The following MYO1G variants were observed in gnomAD, a reference collection of about 807,000 sequenced individuals.
MYO1G encodes the protein unconventional myosin-Ig.
Under a neutral mutation model 115.3 loss-of-function variants are expected in MYO1G, and 65 were observed. The observed-to-expected ratio is 0.56, with a 90% CI of 0.46 to 0.69. The LOEUF is 0.69. Among genes scored for constraint, MYO1G ranks in the 30% least tolerant of loss-of-function variants. The pLI is 0.00. For synonymous variants in MYO1G, 510 were observed against 552.6 expected (o/e 0.92, Z 1.08); for missense variants, 1,204 against 1,393.5 (o/e 0.86, Z 2.16).
In MYO1G at chr7:44,972,101, C is replaced by T. The variant is rs1217896645; in HGVS notation, c.729+14G>A. On this transcript the variant is annotated intron_variant, in intron 6 of 21. Transcript: ENST00000258787. ...CTGAGCCCAGTTTGAGCCCTTGGTG[C>T]CCCTCACACTCACACTGTGCACAGT... 10 of 1,598,634 alleles carry T rather than the reference C, an allele frequency of 6.3e-6. No homozygotes were observed. Among genetic ancestry groups the T allele is most frequent in the Non-Finnish European group, 8.6e-6 (10 of 1,166,088 alleles).
At chr7:44,972,299 A>T (rs1794973926) in intron 5 of MYO1G, 74 bp from the exon 6 acceptor site, 9 of 1,102,846 alleles carry the variant, frequency 8.2e-6, no homozygotes, top group African/African-American at 1.5e-5. Context: ...AGGCAGGAGA[A>T]CAAACAGACT....
intron 1 of MYO1G, among the ~76,000 whole-genome samples, chr7:44,978,411 C>A (rs1163862262): frequency 6.6e-6 from 1 of 152,146 alleles, no homozygotes; most frequent in African/African-American, 2.4e-5. Context: ...TCTCAGTGTC[C>A]CCAGGGCTCA....
chr7:44,964,953 G>A lies in MYO1G; in HGVS notation c.2518C>T (p.Leu840=), dbSNP rs906170459. Residue 840 remains leucine, a synonymous_variant, in exon 18 of 22, where the codon CTG becomes TTG. Transcript: ENST00000258787. This position sits in a 1 kb window ranked among gnomAD's most constrained non-coding sequence, Gnocchi z 5.1. Reference sequence around the variant, plus strand: ...ACTCGCCTGGCACTTACAGAGGACAGGTAGTCTCGGGCCCAGGCCCGTCGG... The same window carrying A: ...ACTCGCCTGGCACTTACAGAGGACAAGTAGTCTCGGGCCCAGGCCCGTCGG... ...GCRRAWARDY[L]SSATDNPTAS... is the part of the protein sequence containing the mutation. 3.8e-6 allele frequency: 6 copies of A among 1,599,072 alleles called. No homozygotes were observed. The highest frequency in any genetic ancestry group is 1.3e-5 in the African/African-American group (1 of 74,632).
At chr7:44,975,117 T>G (rs967036393) in intron 5 of MYO1G, 57 bp downstream of exon 5, 105 of 1,568,746 alleles carry the variant, frequency 6.7e-5, no homozygotes, top group Non-Finnish European at 8.3e-5. Context: ...TGGTCCAGCT[T>G]GCTGCCCTCC....
rs114491800 is a variant in MYO1G, at chr7:44,978,765, C to T, written c.95+102G>A. 2,613 of 1,164,162 alleles carry T rather than the reference C, an allele frequency of 2.2e-3. 46 individuals are homozygous for T. The African/African-American group carries it at 0.034, about 15-fold the overall frequency. The allele number at this position is 1,164,162 out of a possible 1,614,324, so 72.1% of individuals were successfully genotyped here. A position where few individuals can be genotyped will look rare whatever the true frequency, so the allele number is the denominator to read the frequency against. ...GTGGGTGTGTGCCACTGCCCCCTCCCTTGGACAGCAGCGTGCCTTCCTCTT... is the reference window on the plus strand; with the variant it reads ...GTGGGTGTGTGCCACTGCCCCCTCCTTTGGACAGCAGCGTGCCTTCCTCTT... On this transcript the variant is annotated intron_variant, in intron 1 of 21. Transcript: ENST00000258787.
chr7:44,965,579 G>A, intron 17 of MYO1G, 58 bp downstream of exon 17: 1 of 1,526,640 alleles, frequency 6.6e-7, no homozygotes. Flanking sequence ...GGGATGATGG[G>A]TTAAGGTATT....
intron 5 of MYO1G, chr7:44,973,967 T>C (rs1162316688): frequency 6.6e-6 from 1 of 151,644 alleles, no homozygotes; most frequent in African/African-American, 2.4e-5. Flanking sequence ...GTGGAGACAC[T>C]GCCAGTGTCT....
In MYO1G at chr7:44,963,176, T is replaced by TAGCCGGACTCACCCCCTCCCC; in HGVS notation, c.2746-73_2746-53dup. 7.2e-7 allele frequency: 1 copy of TAGCCGGACTCACCCCCTCCCC among 1,383,684 alleles called. No individual in the cohort carries two copies. Among genetic ancestry groups the TAGCCGGACTCACCCCCTCCCC allele is most frequent in the Non-Finnish European group, 9.3e-7 (1 of 1,073,978 alleles). The allele number at this position is 1,383,684 out of a possible 1,614,324, so 85.7% of individuals were successfully genotyped here. A position where few individuals can be genotyped will look rare whatever the true frequency, so the allele number is the denominator to read the frequency against. On this transcript the variant is annotated intron_variant, in intron 20 of 21. Coordinates refer to ENST00000258787, the MANE Select transcript of MYO1G (RefSeq NM_033054.3). The surrounding 1 kb of genome is among the most constrained non-coding windows in gnomAD (Gnocchi z 4.1). ...AGCCGCCTCAACCCGCACCCCAGCC[T>TAGCCGGACTCACCCCCTCCCC]AGCCGGACTCACCCCCTCCCCAGGA...
In MYO1G at chr7:44,969,985, G is replaced by A. The variant is rs184032735; in HGVS notation, c.1332+55C>T. 1.8e-4 allele frequency: 280 copies of A among 1,599,436 alleles called. 2 individuals are homozygous for A. In the African/African-American group the frequency reaches 3.3e-3, roughly 19 times the overall value. On this transcript the variant is annotated intron_variant, in intron 10 of 21. Transcript: ENST00000258787. The surrounding 1 kb of genome is among the most constrained non-coding windows in gnomAD (Gnocchi z 5.0). ...GGCCAGCCCGGGCCCCTCCCCATGGGCTGAGGCCCCTCCACACCCCACTGC... is the reference window on the plus strand; with the variant it reads ...GGCCAGCCCGGGCCCCTCCCCATGGACTGAGGCCCCTCCACACCCCACTGC...
At chr7:44,976,814 T>C in intron 2 of MYO1G, 49 bp downstream of exon 2, 1 of 1,602,976 alleles carries the variant, frequency 6.2e-7, no homozygotes, top group Non-Finnish European at 8.5e-7. Flanking sequence ...TCCCAAATGT[T>C]CACAAATGAA....
In MYO1G at chr7:44,971,621, C is replaced by T. The variant is rs1363259736; in HGVS notation, c.846+52G>A. ...TCCTCATCCCTGGGTGCTTCCCAGC[C>T]AGGAAACCCTTGTGGGGAAGTAGCC... On this transcript the variant is annotated intron_variant, in intron 7 of 21. Transcript: ENST00000258787. 12 of 1,383,632 alleles carry T rather than the reference C, an allele frequency of 8.7e-6. No individual in the cohort carries two copies. The Admixed American group carries it at 2.0e-4, about 23-fold the overall frequency. 85.7% of individuals were successfully genotyped at this position (1,383,632 alleles called of 1,614,324 possible).
At chr7:44,973,400 C>T (rs1794995332) in intron 5 of MYO1G, 1 of 152,144 alleles carries the variant, frequency 6.6e-6, no homozygotes, top group African/African-American at 2.4e-5. Context: ...TTGATAGAGA[C>T]ACTGCCTGTG....
intron 5 of MYO1G, chr7:44,974,621 C>T (rs1795014645): frequency 6.0e-6 from 1 of 165,844 alleles, no homozygotes. Flanking sequence ...GTGGGCAGGC[C>T]ACAGTTTGCA....
chr7:44,971,705 C>T lies in MYO1G; in HGVS notation c.814G>A (p.Val272Met). The T allele has an allele frequency of 1.3e-6, 2 of 1,557,894 alleles. No individual in the cohort carries two copies. Among genetic ancestry groups the T allele is most frequent in the Non-Finnish European group, 1.7e-6 (2 of 1,150,422 alleles). The change falls in exon 7 of 22, where the codon GTG becomes ATG. Residue 272 changes from valine to methionine, a missense_variant. By Grantham distance (21) the Val-to-Met change is conservative. Coordinates refer to ENST00000258787, the MANE Select transcript of MYO1G (RefSeq NM_033054.3). The part of the protein sequence containing the change: ...IGFSPEEVES[V>M]HRILAAILHL... ...AATATGGCAGCCAGGATGCGATGCACAGACTCCACCTCTTCAGGACTGAAG... is the reference window on the plus strand; with the variant it reads ...AATATGGCAGCCAGGATGCGATGCATAGACTCCACCTCTTCAGGACTGAAG...
At chr7:44,972,306 G>A (rs369616724) in intron 5 of MYO1G, 81 bp from the exon 6 acceptor site, 1 of 1,034,856 alleles carries the variant, frequency 9.7e-7, no homozygotes. Context: ...AGAACAAACA[G>A]ACTTGCGCTT....
At position 44,966,659 on chromosome 7, in the gene MYO1G, C is replaced by A; in HGVS notation, c.1949+13G>T. 1 of 1,612,918 alleles carries A rather than the reference C, an allele frequency of 6.2e-7. No homozygotes were observed. The highest frequency in any genetic ancestry group is 1.1e-5 in the South Asian group (1 of 91,014). ...CTATGGCCCATGGAGTGATGGGTGT[C>A]AGGTGCCAGTACCTGAGCAGGAATC... On this transcript the variant is annotated intron_variant, in intron 15 of 21. Transcript: ENST00000258787. The surrounding 1 kb of genome is among the most constrained non-coding windows in gnomAD (Gnocchi z 5.0).
In MYO1G at chr7:44,962,810, TG is replaced by T; in HGVS notation, c.2985del (p.Arg996GlyfsTer44). ...RGVRRLISVEPRPEQPEPDFR... is the reference protein window; with the variant it reads ...RGVRRLISVEXRPEQPEPDFR... The stretch of plus-strand genomic sequence containing the variant: ...AAATCGGGCTCTGGCTGCTCCGGCC[TG>T]GGCTCCACGGAGATGAGGCGCCGGA... On this transcript the variant is annotated frameshift_variant, in exon 22 of 22. Coordinates refer to ENST00000258787, the MANE Select transcript of MYO1G (RefSeq NM_033054.3). LOFTEE classifies it high-confidence loss of function. This position sits in a 1 kb window ranked among gnomAD's most constrained non-coding sequence, Gnocchi z 5.3. The T allele has an allele frequency of 6.6e-7, 1 of 1,520,530 alleles. No individual in the cohort carries two copies. 94.2% of individuals were successfully genotyped at this position (1,520,530 alleles called of 1,614,324 possible).
chr7:44,966,392 A>C lies in MYO1G; in HGVS notation c.1950-112T>G. 1.0e-6 allele frequency: 1 copy of C among 1,003,312 alleles called. No homozygotes were observed. The highest frequency in any genetic ancestry group is 1.4e-5 in the South Asian group (1 of 70,360). 62.2% of individuals were successfully genotyped at this position (1,003,312 alleles called of 1,614,324 possible). A position where few individuals can be genotyped will look rare whatever the true frequency, so the allele number is the denominator to read the frequency against. On this transcript the variant is annotated intron_variant, in intron 15 of 21. Transcript: ENST00000258787. The surrounding 1 kb of genome is among the most constrained non-coding windows in gnomAD (Gnocchi z 5.0). ...GCAGGGATACAGAGTGTGTTCCTGG[A>C]GCACTTATGACACCTGTGCACATAT...
In MYO1G at chr7:44,971,172, C is replaced by A. The variant is rs1184575965; in HGVS notation, c.847-113G>T. 7.6e-6 allele frequency: 7 copies of A among 915,816 alleles called. No homozygotes were observed. In the African/African-American group the frequency reaches 1.2e-4, roughly 15 times the overall value. The allele number at this position is 915,816 out of a possible 1,614,324, so 56.7% of individuals were successfully genotyped here. On this transcript the variant is annotated intron_variant, in intron 7 of 21. Coordinates refer to ENST00000258787, the MANE Select transcript of MYO1G (RefSeq NM_033054.3). Reference sequence around the variant, plus strand: ...GGGACATGGATGCGGTAGAGTACAGCTCCTTCTCAGACCAGCATGGTCAGC... The same window carrying A: ...GGGACATGGATGCGGTAGAGTACAGATCCTTCTCAGACCAGCATGGTCAGC...
Sources: gnomAD v4.1 joint callset for allele counts (sites outside exome capture counted in the v4.1 genomes callset) on GRCh38, gnomAD v4.1.1 for gene constraint, Gnocchi (gnomAD v3.1) non-coding constraint, MANE v1.5 for transcripts, NCBI Gene and HGNC (gene_info 2026-07-23, HGNC 2026-07-21) for gene names.